SPAG16: variants seen among roughly 807,000 people sequenced by gnomAD.
The protein encoded by SPAG16 is sperm associated antigen 16, also known as sperm-associated antigen 16 protein.
In SPAG16, 86 loss-of-function variants were observed where a neutral mutation model predicts 80.4. The ratio of observed to expected loss-of-function variants is 1.07; its 90% CI spans 0.90 to 1.28. SPAG16 has a LOEUF of 1.28. Ranked by LOEUF, SPAG16 falls within the 50% of genes most tolerant of loss-of-function variation. The pLI is 0.00. For synonymous variants in SPAG16, 294 were observed against 265.9 expected, an observed-to-expected ratio of 1.11 and a Z score of -1.03; for missense variants, 870 against 765.3, an observed-to-expected ratio of 1.14 and a Z score of -1.61.
At chr2:214,064,369 T>C (rs1015107790) in intron 13 of SPAG16, among the ~76,000 whole-genome samples, 14 of 152,116 alleles carry the variant, frequency 9.2e-5, no homozygotes, top group Admixed American at 2.0e-4. Flanking sequence ...GGTAATGTCA[T>C]AAAATATTGG....
intron 11 of SPAG16, among the ~76,000 whole-genome samples, chr2:213,908,578 G>A (rs968678662): frequency 1.3e-5 from 2 of 152,016 alleles, no homozygotes; most frequent in East Asian, 1.9e-4. Context: ...TCTCTCATTC[G>A]ACGAGAATTC....
At chr2:213,572,633 C>G (rs552695443) in intron 10 of SPAG16, among the ~76,000 whole-genome samples, 6 of 152,210 alleles carry the variant, frequency 3.9e-5, no homozygotes, top group East Asian at 1.9e-4. Context: ...AACCACTGCT[C>G]TCTTCAAAGC....
At chr2:214,374,227 G>C (rs1431206571) in intron 15 of SPAG16, among the ~76,000 whole-genome samples, 1 of 152,208 alleles carries the variant, frequency 6.6e-6, no homozygotes, top group Non-Finnish European at 1.5e-5. Context: ...AAAAGTATCT[G>C]CTTGGCAGCA....
chr2:214,216,914 A>G lies in SPAG16; in HGVS notation c.1720+67648A>G, dbSNP rs1314793577. ...CAGATAATGAAAATTCTGTATTGGC[A>G]CCCTGCATAGGCACAAGATATTAAT... On this transcript the variant is annotated intron_variant, in intron 15 of 15. Transcript: ENST00000331683. Among the ~76,000 whole-genome samples, 3 of 152,352 alleles carry G rather than the reference A, an allele frequency of 2.0e-5. No homozygotes were observed. In the East Asian group the frequency reaches 5.8e-4, roughly 29 times the overall value.
intron 10 of SPAG16, among the ~76,000 whole-genome samples, chr2:213,526,903 A>T (rs978970816): frequency 6.6e-6 from 1 of 152,156 alleles, no homozygotes; most frequent in African/African-American, 2.4e-5. Context: ...ATCTATGTAA[A>T]GGTTAGAATC....
intron 8 of SPAG16, among the ~76,000 whole-genome samples, chr2:213,366,921 A>T (rs141272982): frequency 1.7e-3 from 252 of 152,176 alleles, no homozygotes; most frequent in African/African-American, 5.8e-3. Flanking sequence ...ATATCTCCTA[A>T]TGGTATCCCT....
chr2:213,970,084 A>C (rs2044943072), intron 12 of SPAG16, among the ~76,000 whole-genome samples: 1 of 152,136 alleles, frequency 6.6e-6, no homozygotes, highest in Non-Finnish European at 1.5e-5. Flanking sequence ...AGAAGGAGCA[A>C]AAATGTTCCC....
At chr2:214,153,445 A>G (rs1261583418) in intron 15 of SPAG16, among the ~76,000 whole-genome samples, 4 of 152,180 alleles carry the variant, frequency 2.6e-5, no homozygotes, top group African/African-American at 9.6e-5. Context: ...TATATCTGGT[A>G]TAACTATTCT....
intron 9 of SPAG16, chr2:213,422,176 G>T: frequency 2.9e-6 from 2 of 700,768 alleles, no homozygotes; most frequent in Non-Finnish European, 5.2e-6. Context: ...CCTTCAGGGA[G>T]CCCAGACCTA....
chr2:214,108,297 C>G, intron 14 of SPAG16, 36 bp downstream of exon 14: 1 of 1,483,136 alleles, frequency 6.7e-7, no homozygotes, highest in Non-Finnish European at 9.3e-7. Flanking sequence ...GTTTTTAATG[C>G]TTCATATATA....
chr2:213,705,162 C>T (rs751801736), intron 10 of SPAG16, among the ~76,000 whole-genome samples: 4 of 151,862 alleles, frequency 2.6e-5, no homozygotes, highest in African/African-American at 4.8e-5. Flanking sequence ...GCAGGAGAAT[C>T]GTGTGAACCT....
intron 3 of SPAG16, among the ~76,000 whole-genome samples, chr2:213,304,593 A>G (rs1348169676): frequency 2.0e-5 from 3 of 152,114 alleles, no homozygotes; most frequent in Non-Finnish European, 2.9e-5. Context: ...TCTTCTGGAT[A>G]TGGATATCCA....
chr2:213,805,819 T>G (rs758015943), intron 10 of SPAG16, among the ~76,000 whole-genome samples: 4 of 152,192 alleles, frequency 2.6e-5, no homozygotes, highest in Admixed American at 1.3e-4. Flanking sequence ...GTTCAAACTA[T>G]TTTTAAATTT....
chr2:214,002,980 G>A (rs1385492871), intron 12 of SPAG16, among the ~76,000 whole-genome samples: 2 of 152,118 alleles, frequency 1.3e-5, no homozygotes, highest in African/African-American at 2.4e-5. Context: ...GCATCCAATA[G>A]TGGTGTGCTT....
chr2:213,571,830 T>A (rs1240141153), intron 10 of SPAG16, among the ~76,000 whole-genome samples: 1 of 119,602 alleles, frequency 8.4e-6, no homozygotes, highest in Non-Finnish European at 1.6e-5. Context: ...TCCTGCAGAG[T>A]GTTTTCCAAC....
intron 13 of SPAG16, among the ~76,000 whole-genome samples, chr2:214,094,185 A>G (rs990295746): frequency 6.6e-6 from 1 of 152,144 alleles, no homozygotes; most frequent in Admixed American, 6.6e-5. Context: ...ATACCATGGC[A>G]GTTTGCAAAT....
chr2:213,295,953 A>G, intron 1 of SPAG16, 111 bp from the exon 2 acceptor site: 1 of 823,322 alleles, frequency 1.2e-6, no homozygotes, highest in Non-Finnish European at 2.0e-6. Context: ...TATATTTACC[A>G]ACTTCCTGGT....
intron 15 of SPAG16, among the ~76,000 whole-genome samples, chr2:214,272,978 G>A (rs941088793): frequency 1.2e-4 from 19 of 152,142 alleles, no homozygotes; most frequent in African/African-American, 3.6e-4. Context: ...TTTAATGATC[G>A]CCATTCTAAC....
chr2:214,378,452 C>G (rs1391723648), intron 15 of SPAG16, among the ~76,000 whole-genome samples: 1 of 152,140 alleles, frequency 6.6e-6, no homozygotes, highest in Non-Finnish European at 1.5e-5. Flanking sequence ...TATCTCTGCC[C>G]TGTATTTCTG....
Sources: allele counts gnomAD v4.1 joint callset (sites outside exome capture counted in the v4.1 genomes callset), GRCh38; gene constraint gnomAD v4.1.1; transcripts MANE v1.5; gene names NCBI Gene and HGNC (gene_info 2026-07-23, HGNC 2026-07-21).